Variants in ARL6IP6 observed in about 807,000 individuals in gnomAD.
ARL6IP6 encodes the protein ARF like GTPase 6 interacting protein 6, also known as ADP-ribosylation factor-like protein 6-interacting protein 6.
Under a neutral mutation model 21.5 loss-of-function variants are expected in ARL6IP6, and 22 were observed. The observed-to-expected ratio is 1.02, with a 90% confidence interval of 0.73 to 1.46. The LOEUF (loss-of-function observed/expected upper bound fraction) is 1.46. ARL6IP6 is among the 40% of genes most tolerant of loss of function. ARL6IP6 has a pLI of 0.00. For missense variants in ARL6IP6, 388 were observed against 299.8 expected, an observed-to-expected ratio of 1.29 and a Z score of -2.17; for synonymous variants, 164 against 125.3, an observed-to-expected ratio of 1.31 and a Z score of -2.06.
At chr2:152,750,178 T>C (rs1445928154) in intron 3 of ARL6IP6, among the ~76,000 whole-genome samples, 1 of 152,140 alleles carries the variant, frequency 6.6e-6, no homozygotes, top group East Asian at 1.9e-4. Flanking sequence ...CTGGGATACT[T>C]ACAGAAATGT....
chr2:152,728,815 C>CT (rs1174495573), intron 2 of ARL6IP6, among the ~76,000 whole-genome samples: 1 of 152,152 alleles, frequency 6.6e-6, no homozygotes, highest in African/African-American at 2.4e-5. Context: ...AATCCCAGAA[C>CT]TTTGAGAGCC....
chr2:152,741,235 G>T (rs895202350), intron 3 of ARL6IP6, among the ~76,000 whole-genome samples: 2 of 151,996 alleles, frequency 1.3e-5, no homozygotes, highest in Admixed American at 6.5e-5. Context: ...GAAAATTACT[G>T]CTGACATTTT....
chr2:152,752,991 C>T (rs1701408185), intron 3 of ARL6IP6, among the ~76,000 whole-genome samples: 2 of 151,960 alleles, frequency 1.3e-5, no homozygotes, highest in South Asian at 4.1e-4. Flanking sequence ...CCTTAGATTC[C>T]CTGCCTCCAG....
At chr2:152,740,149 C>G (rs572434344) in intron 3 of ARL6IP6, among the ~76,000 whole-genome samples, 2 of 152,330 alleles carry the variant, frequency 1.3e-5, no homozygotes, top group South Asian at 4.1e-4. Flanking sequence ...GTTATCCAGG[C>G]TGGAGTGCAG....
At chr2:152,748,557 GGAATA>G (rs1701167283) in intron 3 of ARL6IP6, among the ~76,000 whole-genome samples, 2 of 152,176 alleles carry the variant, frequency 1.3e-5, no homozygotes, top group Admixed American at 6.5e-5. Flanking sequence ...GTGTGAAAGG[GGAATA>G]GATTAGTACC....
At chr2:152,748,917 C>T (rs1354727207) in intron 3 of ARL6IP6, among the ~76,000 whole-genome samples, 2 of 152,078 alleles carry the variant, frequency 1.3e-5, no homozygotes, top group African/African-American at 2.4e-5. Flanking sequence ...CAACCTGAAA[C>T]ATGACAAGAG....
rs138586013 is a variant in ARL6IP6 at position 152,730,331 on chromosome 2, T to C, written c.455-4663T>C. ...GTTACTTTGTGTCTTTCCTCACTTA[T>C]CTAGAAGTTTCATCGTTCTATAGCA... On this transcript the variant is annotated intron_variant, in intron 2 of 3. Transcript: ENST00000326446. 2.7e-3 allele frequency among the ~76,000 whole-genome samples: 410 copies of C among 152,324 alleles called. 3 individuals are homozygous for C. Among genetic ancestry groups the C allele is most frequent in the African/African-American group, 8.9e-3 (371 of 41,574 alleles).
At chr2:152,729,705 T>C (rs1158949603) in intron 2 of ARL6IP6, among the ~76,000 whole-genome samples, 1 of 152,156 alleles carries the variant, frequency 6.6e-6, no homozygotes, top group Non-Finnish European at 1.5e-5. Flanking sequence ...GCTGAGAAGA[T>C]ATATATACGT....
At chr2:152,732,158 A>T (rs566593371) in intron 2 of ARL6IP6, among the ~76,000 whole-genome samples, 274 of 151,942 alleles carry the variant, frequency 1.8e-3, no homozygotes, top group African/African-American at 6.3e-3. Context: ...TATATATATA[A>T]AATTGTATAT....
intron 1 of ARL6IP6, chr2:152,719,777 AAAG>A (rs1316003378): frequency 9.1e-5 from 30 of 330,910 alleles, no homozygotes; most frequent in South Asian, 2.2e-4. Context: ...AAAAAAAACA[AAAG>A]AACTTTGTTG....
intron 3 of ARL6IP6, among the ~76,000 whole-genome samples, chr2:152,753,699 C>CTT (rs138584533): frequency 1.9e-5 from 2 of 107,380 alleles, no homozygotes; most frequent in Admixed American, 9.9e-5. Context: ...TTCAGGTCCT[C>CTT]TTTTTTTTTT....
chr2:152,759,639 T>C, intron 3 of ARL6IP6, 108 bp from the exon 4 acceptor site: 1 of 803,840 alleles, frequency 1.2e-6, no homozygotes, highest in Non-Finnish European at 2.1e-6. Context: ...TGTGAACATT[T>C]GGGAAATACA....
At chr2:152,718,480 C>A, upstream of ARL6IP6, 3 of 1,217,836 alleles carry the variant, frequency 2.5e-6, no homozygotes, top group Non-Finnish European at 3.3e-6. Flanking sequence ...CTTTGCAACC[C>A]GCCGCCCACC....
At chr2:152,743,845 G>A (rs957027755) in intron 3 of ARL6IP6, among the ~76,000 whole-genome samples, 3 of 152,164 alleles carry the variant, frequency 2.0e-5, no homozygotes, top group South Asian at 2.1e-4. Flanking sequence ...CCAAAGCTTG[G>A]ATTGTTGAAT....
intron 3 of ARL6IP6, among the ~76,000 whole-genome samples, chr2:152,742,570 TAAAAAAAAAAAAAAA>T (rs71396304): frequency 8.6e-6 from 1 of 115,994 alleles, no homozygotes; most frequent in Non-Finnish European, 1.8e-5. Flanking sequence ...ATACGCTCTT[TAAAAAAAAAAAAAAA>T]AAAAAAAAGA....
At chr2:152,725,253 C>T (rs1699986781) in intron 2 of ARL6IP6, among the ~76,000 whole-genome samples, 1 of 152,148 alleles carries the variant, frequency 6.6e-6, no homozygotes, top group Non-Finnish European at 1.5e-5. Context: ...ACATATTGTT[C>T]TTTCTCAAAA....
At chr2:152,719,135 T>C in intron 1 of ARL6IP6, 111 bp downstream of exon 1, 1 of 1,265,548 alleles carries the variant, frequency 7.9e-7, no homozygotes, top group Non-Finnish European at 1.0e-6. Flanking sequence ...GGCTGGCAGC[T>C]GCTTTCACCC....
intron 2 of ARL6IP6, chr2:152,732,564 T>G: frequency 2.2e-6 from 1 of 458,880 alleles, no homozygotes; most frequent in Non-Finnish European, 4.5e-6. Context: ...TTTTCCCTTA[T>G]GCTGTAAGTT....
chr2:152,737,319 G>A (rs925304346), intron 3 of ARL6IP6, among the ~76,000 whole-genome samples: 2 of 152,098 alleles, frequency 1.3e-5, no homozygotes, highest in African/African-American at 4.8e-5. Flanking sequence ...ATAAGTGTAA[G>A]AAGCCTCTGG....
Sources: gnomAD v4.1 joint callset for allele counts (sites outside exome capture counted in the v4.1 genomes callset) on GRCh38, gnomAD v4.1.1 for gene constraint, MANE v1.5 for transcripts, NCBI Gene and HGNC (gene_info 2026-07-23, HGNC 2026-07-21) for gene names.